The following NEMF variants were observed in gnomAD, a reference collection of about 807,000 sequenced individuals.
NEMF encodes nuclear export mediator factor.
NEMF carries 89 observed loss-of-function variants against 162.2 expected under a neutral mutation model. The observed-to-expected ratio is 0.55, with a 90% confidence interval of 0.46 to 0.65. The LOEUF is 0.65. NEMF is among the 30% of genes least tolerant of loss of function. The pLI is 0.00. For synonymous variants in NEMF, 421 were observed against 404.5 expected (o/e 1.04, Z -0.49); for missense variants, 1,133 against 1,261.9 (o/e 0.90, Z 1.55).
In NEMF at chr14:49,785,148, ATTACATGTG is replaced by A; in HGVS notation, c.3030-22_3030-14del. ...TTTCACTTTATATCTTTAAAAAGGA[ATTACATGTG>A]TTACTAAATAGACGTTACAAAACAA... On this transcript the variant is annotated splice_polypyrimidine_tract_variant and intron_variant, in intron 30 of 32. Coordinates refer to ENST00000298310, the MANE Select transcript of NEMF (RefSeq NM_004713.6). The A allele has an allele frequency of 6.2e-7, 1 of 1,602,478 alleles. No individual in the cohort carries two copies. The highest frequency in any genetic ancestry group is 1.1e-5 in the South Asian group (1 of 90,800).
Position 49,786,700 on chromosome 14 carries a change from C to A in NEMF, c.2928+18G>T. 1 of 1,601,834 alleles carries A rather than the reference C, an allele frequency of 6.2e-7. No homozygotes were observed. Among genetic ancestry groups the A allele is most frequent in the Non-Finnish European group, 8.6e-7 (1 of 1,169,076 alleles). On this transcript the variant is annotated intron_variant, in intron 29 of 32. Transcript: ENST00000298310. Reference sequence around the variant, plus strand: ...GTAATCACAGTGTTGTAGTAGGAACCCCAACATAAAATCATACCTCATTTC... The same window carrying A: ...GTAATCACAGTGTTGTAGTAGGAACACCAACATAAAATCATACCTCATTTC...
At chr14:49,806,599 C>T (rs1241111417) in intron 18 of NEMF, among the ~76,000 whole-genome samples, 1 of 151,202 alleles carries the variant, frequency 6.6e-6, no homozygotes, top group African/African-American at 2.4e-5. Context: ...ATTTTTACTT[C>T]ACCATTATAA....
intron 15 of NEMF, among the ~76,000 whole-genome samples, chr14:49,826,759 G>A (rs1892370236): frequency 1.3e-5 from 2 of 152,166 alleles, no homozygotes; most frequent in South Asian, 4.1e-4. Context: ...CTATATTCTA[G>A]AGGGAATCCA....
intron 6 of NEMF, among the ~76,000 whole-genome samples, chr14:49,837,653 A>T (rs1215993626): frequency 3.3e-5 from 5 of 152,102 alleles, no homozygotes. Flanking sequence ...TTAACTCTCT[A>T]GTGCTCAGTA....
At chr14:49,816,102 T>A (rs751500293) in intron 16 of NEMF, among the ~76,000 whole-genome samples, 10 of 152,176 alleles carry the variant, frequency 6.6e-5, no homozygotes, top group African/African-American at 2.2e-4. Context: ...TCTTTATACA[T>A]AGAAAAGCTA....
At chr14:49,851,433 A>G in intron 3 of NEMF, 130 bp downstream of exon 3, 1 of 635,304 alleles carries the variant, frequency 1.6e-6, no homozygotes, top group East Asian at 2.7e-5. Context: ...TCAACCCATT[A>G]TCTGTCAACC....
At chr14:49,789,664 C>T in intron 26 of NEMF, 91 bp from the exon 27 acceptor site, 1 of 1,508,024 alleles carries the variant, frequency 6.6e-7, no homozygotes, top group Non-Finnish European at 8.8e-7. Context: ...TTTATATTCT[C>T]TGTCAAAAAT....
intron 6 of NEMF, among the ~76,000 whole-genome samples, chr14:49,835,143 C>T (rs568610945): frequency 1.1e-4 from 16 of 150,142 alleles, no homozygotes; most frequent in South Asian, 1.0e-3. Flanking sequence ...GAGGCTGTGG[C>T]GAGCCAAGAT....
chr14:49,844,405 G>A (rs1355919284), intron 4 of NEMF, among the ~76,000 whole-genome samples: 3 of 152,152 alleles, frequency 2.0e-5, no homozygotes, highest in Non-Finnish European at 2.9e-5. Flanking sequence ...ACCTCCTGCC[G>A]TGTGGCCTGG....
chr14:49,791,425 C>T (rs1394076412), intron 26 of NEMF, among the ~76,000 whole-genome samples: 1 of 151,664 alleles, frequency 6.6e-6, no homozygotes, highest in Non-Finnish European at 1.5e-5. Context: ...GTGGTGGTTT[C>T]ACAGATGTGT....
rs771275952 is a variant in NEMF, at chr14:49,782,692, A to G, written c.*1944T>C. 1.6e-5 allele frequency: 22 copies of G among 1,352,022 alleles called. No homozygotes were observed. The highest frequency in any genetic ancestry group is 6.8e-5 in the Admixed American group (3 of 44,378). The allele number at this position is 1,352,022 out of a possible 1,614,324, so 83.8% of individuals were successfully genotyped here. On this transcript the variant is annotated 3_prime_UTR_variant, in exon 33 of 33. Transcript: ENST00000298310. ...TAGGTTTATGGATTATTTAAGGGCA[A>G]TAAAACTTCATTGCTATAACCAGTT...
chr14:49,789,710 T>C, intron 26 of NEMF, 137 bp from the exon 27 acceptor site: 2 of 1,246,722 alleles, frequency 1.6e-6, no homozygotes, highest in Non-Finnish European at 2.2e-6. Flanking sequence ...ATAAACAATA[T>C]GAAGGCTACA....
Position 49,828,722 on chromosome 14 carries a change from CT to C in NEMF, c.1317del (p.Gly440GlufsTer22). 6.2e-7 allele frequency: 1 copy of C among 1,601,100 alleles called. No homozygotes were observed. The highest frequency in any genetic ancestry group is 8.5e-7 in the Non-Finnish European group (1 of 1,174,306). Reference sequence around the variant, plus strand: ...TTATTCTTTTGTTTTTTCTTTTTTCCTTTTGGTGGTTCAGTTTCATTTTTCT... The same window carrying C: ...TTATTCTTTTGTTTTTTCTTTTTTCCTTTGGTGGTTCAGTTTCATTTTTCT... Reference protein sequence around the residue: ...NVEKNETEPPKGKKKKQKNKQ... With the variant: ...NVEKNETEPPXGKKKKQKNKQ... On this transcript the variant is annotated frameshift_variant, in exon 14 of 33. Transcript: ENST00000298310. LOFTEE classifies it high-confidence loss of function.
intron 26 of NEMF, among the ~76,000 whole-genome samples, chr14:49,794,150 A>G (rs781640732): frequency 3.3e-5 from 5 of 152,168 alleles, no homozygotes; most frequent in Admixed American, 6.5e-5. Context: ...TCCTATGTTA[A>G]TAACATGCTG....
chr14:49,806,250 ATATATATTTTTTTT>A (rs1168716315), intron 18 of NEMF, 117 bp from the exon 19 acceptor site: 488 of 19,144 alleles, frequency 0.025, 19 homozygotes, highest in Non-Finnish European at 0.041. Flanking sequence ...ATATATATAT[ATATATATTTTTTTT>A]TTTTTTTTTT....
chr14:49,831,681 C>A (rs908123671), intron 10 of NEMF, among the ~76,000 whole-genome samples: 1 of 152,160 alleles, frequency 6.6e-6, no homozygotes. Context: ...AACTGATCTG[C>A]CTGCCTTGGC....
Position 49,782,503 on chromosome 14 carries a change from C to G in NEMF, c.*2133G>C. The G allele has an allele frequency of 1.3e-6, 2 of 1,596,030 alleles. No homozygotes were observed. Among genetic ancestry groups the G allele is most frequent in the Non-Finnish European group, 1.7e-6 (2 of 1,166,526 alleles). On this transcript the variant is annotated 3_prime_UTR_variant, in exon 33 of 33. Coordinates refer to ENST00000298310, the MANE Select transcript of NEMF (RefSeq NM_004713.6). ...TTATTACTGAAACTTACTTGCAAAG[C>G]ATTTGCTTTTAAATGTGTTCTTCCT... is the stretch of plus-strand genomic sequence containing the variant.
At chr14:49,790,792 C>T (rs1890404425) in intron 26 of NEMF, among the ~76,000 whole-genome samples, 1 of 152,010 alleles carries the variant, frequency 6.6e-6, no homozygotes, top group East Asian at 1.9e-4. Flanking sequence ...GAGTTCAAGA[C>T]CAGCCTGACC....
chr14:49,842,277 T>A lies in NEMF; in HGVS notation c.358-1411A>T, dbSNP rs181728533. On this transcript the variant is annotated intron_variant, in intron 4 of 32. Coordinates refer to ENST00000298310, the MANE Select transcript of NEMF (RefSeq NM_004713.6). ...AAAAAAAGGAAAACATAAATAATGTTAGGTAAAACATAGCAAAGACACACA... is the reference window on the plus strand; with the variant it reads ...AAAAAAAGGAAAACATAAATAATGTAAGGTAAAACATAGCAAAGACACACA... Among the ~76,000 whole-genome samples, 9 of 152,292 alleles carry A rather than the reference T, an allele frequency of 5.9e-5. No homozygotes were observed. In the East Asian group the frequency reaches 1.7e-3, roughly 29 times the overall value.
Sources: allele counts gnomAD v4.1 joint callset (sites outside exome capture counted in the v4.1 genomes callset), GRCh38; gene constraint gnomAD v4.1.1; transcripts MANE v1.5; gene names NCBI Gene and HGNC (gene_info 2026-07-23, HGNC 2026-07-21).